GRIA4: variants seen among roughly 807,000 people sequenced by gnomAD.
GRIA4 encodes the protein glutamate ionotropic receptor AMPA type subunit 4.
Under a neutral mutation model 104.0 loss-of-function variants are expected in GRIA4, and 34 were observed. The observed-to-expected ratio is 0.33, with a 90% CI of 0.25 to 0.44. GRIA4 has a LOEUF of 0.44. GRIA4 is among the 20% of genes least tolerant of loss of function. The pLI, the probability that GRIA4 is intolerant of heterozygous loss-of-function variation, is 1.00. For missense variants in GRIA4, 750 were observed against 1,096.5 expected (o/e 0.68, Z 4.46); for synonymous variants, 386 against 381.9 (o/e 1.01, Z -0.13).
intron 3 of GRIA4, among the ~76,000 whole-genome samples, chr11:105,619,449 ATT>A (rs1162837746): frequency 2.0e-5 from 3 of 152,042 alleles, no homozygotes; most frequent in Non-Finnish European, 4.4e-5. Flanking sequence ...TTAAATTTAT[ATT>A]TTTAAAAGGC....
intron 4 of GRIA4, among the ~76,000 whole-genome samples, chr11:105,849,772 T>C (rs1053233169): frequency 6.6e-6 from 1 of 152,154 alleles, no homozygotes; most frequent in East Asian, 1.9e-4. Context: ...ACCAAACATA[T>C]AACATAGGCA....
chr11:105,691,954 A>AAC (rs1953101576), intron 3 of GRIA4, among the ~76,000 whole-genome samples: 2 of 151,288 alleles, frequency 1.3e-5, no homozygotes, highest in African/African-American at 4.8e-5. Flanking sequence ...AAAAAAAAAA[A>AAC]AGTAAAAATG....
At chr11:105,961,319 G>T (rs2136263051) in intron 14 of GRIA4, among the ~76,000 whole-genome samples, 1 of 152,226 alleles carries the variant, frequency 6.6e-6, no homozygotes, top group Non-Finnish European at 1.5e-5. Flanking sequence ...TGCTGCATAA[G>T]TTATCTATCC....
At chr11:105,925,035 T>G (rs906746900) in intron 12 of GRIA4, among the ~76,000 whole-genome samples, 2 of 152,172 alleles carry the variant, frequency 1.3e-5, no homozygotes, top group Non-Finnish European at 2.9e-5. Flanking sequence ...TTCATTGGTT[T>G]GACAAATGGA....
At chr11:105,744,880 C>T (rs1318204410) in intron 3 of GRIA4, among the ~76,000 whole-genome samples, 1 of 152,174 alleles carries the variant, frequency 6.6e-6, no homozygotes, top group Non-Finnish European at 1.5e-5. Context: ...TTAGGGTCAA[C>T]TTTCTTATAG....
At chr11:105,612,132 C>A in intron 2 of GRIA4, 144 bp from the exon 3 acceptor site, 1 of 695,508 alleles carries the variant, frequency 1.4e-6, no homozygotes, top group Non-Finnish European at 2.4e-6. Context: ...ACCTTAGGGA[C>A]AAAGGGCAGT....
chr11:105,929,390 C>A (rs1368735460), intron 13 of GRIA4, among the ~76,000 whole-genome samples: 1 of 152,102 alleles, frequency 6.6e-6, no homozygotes. Flanking sequence ...AAAACTACAT[C>A]TGAATTCAAC....
At chr11:105,777,387 A>G (rs537067421) in intron 4 of GRIA4, among the ~76,000 whole-genome samples, 1 of 152,258 alleles carries the variant, frequency 6.6e-6, no homozygotes, top group South Asian at 2.1e-4. Flanking sequence ...AAATTACCCA[A>G]TAATGTCAGG....
At chr11:105,899,860 A>T (rs1415853058) in intron 7 of GRIA4, among the ~76,000 whole-genome samples, 1 of 152,196 alleles carries the variant, frequency 6.6e-6, no homozygotes, top group East Asian at 1.9e-4. Context: ...AAGCTTATTT[A>T]ACATGCGCAT....
At chr11:105,899,034 T>G (rs1413630949) in intron 7 of GRIA4, among the ~76,000 whole-genome samples, 1 of 152,186 alleles carries the variant, frequency 6.6e-6, no homozygotes, top group Non-Finnish European at 1.5e-5. Context: ...TCCAACTTAG[T>G]GGTTTGAGCC....
At chr11:105,758,779 C>G (rs1270837606) in intron 4 of GRIA4, among the ~76,000 whole-genome samples, 1 of 152,244 alleles carries the variant, frequency 6.6e-6, no homozygotes, top group African/African-American at 2.4e-5. Flanking sequence ...AAAGTAGTAA[C>G]TTACTATTTG....
intron 14 of GRIA4, among the ~76,000 whole-genome samples, chr11:105,968,756 A>G (rs892024219): frequency 6.6e-6 from 1 of 152,216 alleles, no homozygotes; most frequent in Non-Finnish European, 1.5e-5. Context: ...TGGGAATAAA[A>G]TAGCAAAAAT....
At chr11:105,642,673 A>G (rs1951405466) in intron 3 of GRIA4, among the ~76,000 whole-genome samples, 1 of 151,792 alleles carries the variant, frequency 6.6e-6, no homozygotes, top group African/African-American at 2.4e-5. Flanking sequence ...TGAAGTTGGG[A>G]CTTCTGTTGG....
intron 3 of GRIA4, among the ~76,000 whole-genome samples, chr11:105,750,306 C>T (rs1297275697): frequency 6.6e-6 from 1 of 152,106 alleles, no homozygotes; most frequent in Admixed American, 6.6e-5. Flanking sequence ...ATAACCCTCA[C>T]TTGCTAAGCC....
intron 3 of GRIA4, among the ~76,000 whole-genome samples, chr11:105,727,358 C>T (rs1257459620): frequency 6.6e-6 from 1 of 151,960 alleles, no homozygotes; most frequent in South Asian, 2.1e-4. Context: ...AAGGAATGAA[C>T]AAAACCTCAA....
chr11:105,740,583 T>A (rs1380017860), intron 3 of GRIA4, among the ~76,000 whole-genome samples: 2 of 152,122 alleles, frequency 1.3e-5, no homozygotes, highest in South Asian at 2.1e-4. Flanking sequence ...AAATAAGCAA[T>A]CAAATAAATA....
chr11:105,964,307 G>A (rs1007571442), intron 14 of GRIA4, among the ~76,000 whole-genome samples: 24 of 152,160 alleles, frequency 1.6e-4, no homozygotes, highest in African/African-American at 5.1e-4. Context: ...CTTAAGAAGA[G>A]TTAATACTAA....
At chr11:105,765,458 T>C (rs1240971231) in intron 4 of GRIA4, among the ~76,000 whole-genome samples, 1 of 152,170 alleles carries the variant, frequency 6.6e-6, no homozygotes, top group Non-Finnish European at 1.5e-5. Flanking sequence ...TGCCAGCATA[T>C]TGAAATCACT....
chr11:105,932,598 G>A (rs186270543), intron 13 of GRIA4, among the ~76,000 whole-genome samples: 2 of 152,174 alleles, frequency 1.3e-5, no homozygotes, highest in Non-Finnish European at 2.9e-5. Context: ...TGTATTAATA[G>A]ATAGAGCTCA....
Sources: gnomAD v4.1 joint callset for allele counts (sites outside exome capture counted in the v4.1 genomes callset) on GRCh38, gnomAD v4.1.1 for gene constraint, MANE v1.5 for transcripts, NCBI Gene and HGNC (gene_info 2026-07-23, HGNC 2026-07-21) for gene names.